Variants in GPC5 observed in about 807,000 individuals in gnomAD.
GPC5 encodes glypican-5.
Under a neutral mutation model 53.9 loss-of-function variants are expected in GPC5, and 47 were observed. The observed-to-expected ratio is 0.87, with a 90% CI of 0.69 to 1.11. GPC5 has a LOEUF of 1.11. Ranked by LOEUF, GPC5 falls within the 50% of genes most tolerant of loss-of-function variation. The pLI is 0.00. For synonymous variants in GPC5, 286 were observed against 263.3 expected, an observed-to-expected ratio of 1.09 and a Z score of -0.84; for missense variants, 748 against 713.1, an observed-to-expected ratio of 1.05 and a Z score of -0.56.
chr13:92,162,368 G>A (rs540894925), intron 7 of GPC5, among the ~76,000 whole-genome samples: 4 of 152,012 alleles, frequency 2.6e-5, no homozygotes, highest in East Asian at 3.9e-4. Flanking sequence ...TACAGATTTC[G>A]GCCTCTGGGG....
chr13:92,637,869 A>T (rs76990727), intron 7 of GPC5, among the ~76,000 whole-genome samples: 1 of 152,186 alleles, frequency 6.6e-6, no homozygotes, highest in Non-Finnish European at 1.5e-5. Flanking sequence ...TGAAAAGGTA[A>T]AGGAAAGCAT....
intron 7 of GPC5, among the ~76,000 whole-genome samples, chr13:92,350,073 T>G (rs1387381424): frequency 6.6e-6 from 1 of 152,110 alleles, no homozygotes; most frequent in Non-Finnish European, 1.5e-5. Context: ...ACAGGAAGCT[T>G]CAACATAAGT....
At chr13:92,302,557 A>C (rs184197174) in intron 7 of GPC5, among the ~76,000 whole-genome samples, 8 of 152,174 alleles carry the variant, frequency 5.3e-5, no homozygotes, top group African/African-American at 1.7e-4. Context: ...CTATTCCTTT[A>C]TTTAGAAATG....
intron 7 of GPC5, among the ~76,000 whole-genome samples, chr13:92,318,279 C>T (rs974783667): frequency 1.3e-5 from 2 of 152,136 alleles, no homozygotes; most frequent in African/African-American, 4.8e-5. Flanking sequence ...GAACACACCA[C>T]ACACCTGAAT....
chr13:91,728,812 G>T, intron 4 of GPC5, 147 bp downstream of exon 4: 3 of 853,900 alleles, frequency 3.5e-6, no homozygotes, highest in Non-Finnish European at 4.9e-6. Flanking sequence ...AAAAATCAGT[G>T]GCTGCACCTG....
intron 7 of GPC5, among the ~76,000 whole-genome samples, chr13:92,751,489 A>T (rs981542050): frequency 1.3e-5 from 2 of 151,346 alleles, no homozygotes; most frequent in Non-Finnish European, 2.9e-5. Flanking sequence ...GAGATGAATG[A>T]GTTCATTAGC....
At chr13:92,591,769 AT>A (rs1241010279) in intron 7 of GPC5, among the ~76,000 whole-genome samples, 2 of 151,732 alleles carry the variant, frequency 1.3e-5, no homozygotes, top group South Asian at 2.1e-4. Flanking sequence ...CACCCTAGCC[AT>A]TGGTAACCGC....
At chr13:92,729,719 A>G (rs1352303804) in intron 7 of GPC5, among the ~76,000 whole-genome samples, 1 of 151,414 alleles carries the variant, frequency 6.6e-6, no homozygotes, top group Non-Finnish European at 1.5e-5. Flanking sequence ...TGTTGCTTGA[A>G]TTGCTTAAGT....
At chr13:91,767,567 A>G (rs924022252) in intron 5 of GPC5, among the ~76,000 whole-genome samples, 11 of 152,162 alleles carry the variant, frequency 7.2e-5, no homozygotes, top group Admixed American at 6.5e-4. Flanking sequence ...CGCTGCTACA[A>G]TTCTAGTCAT....
At chr13:92,630,405 A>G (rs980968740) in intron 7 of GPC5, among the ~76,000 whole-genome samples, 4 of 152,164 alleles carry the variant, frequency 2.6e-5, no homozygotes, top group Admixed American at 2.0e-4. Flanking sequence ...AACTATTCTT[A>G]TTAGCACATT....
chr13:91,433,753 C>T (rs1252457978), intron 1 of GPC5, among the ~76,000 whole-genome samples: 1 of 152,094 alleles, frequency 6.6e-6, no homozygotes, highest in South Asian at 2.1e-4. Flanking sequence ...ATTTCTAGTT[C>T]TAGATCCCTG....
At chr13:92,751,302 TTAAAAAAAAAAAAAAA>T (rs889445159) in intron 7 of GPC5, among the ~76,000 whole-genome samples, 38 of 34,426 alleles carry the variant, frequency 1.1e-3, no homozygotes, top group Non-Finnish European at 1.6e-3. Context: ...CCAGAAACAT[TTAAAAAAAAAAAAAAA>T]AAAAAAAAAA....
At chr13:91,870,402 A>G (rs1193657023) in intron 5 of GPC5, among the ~76,000 whole-genome samples, 3 of 152,204 alleles carry the variant, frequency 2.0e-5, no homozygotes, top group South Asian at 2.1e-4. Flanking sequence ...AAATATTAGA[A>G]TGTAAGGAAA....
intron 7 of GPC5, among the ~76,000 whole-genome samples, chr13:92,695,042 G>T (rs1315262811): frequency 6.6e-6 from 1 of 152,142 alleles, no homozygotes. Context: ...GAAGTGCGTT[G>T]CTTCCCCTTC....
At chr13:92,350,576 TCAGA>T (rs1297931118) in intron 7 of GPC5, among the ~76,000 whole-genome samples, 1 of 152,126 alleles carries the variant, frequency 6.6e-6, no homozygotes, top group Non-Finnish European at 1.5e-5. Flanking sequence ...GCCCAAAATC[TCAGA>T]CAGAAGGAAG....
intron 7 of GPC5, among the ~76,000 whole-genome samples, chr13:92,763,239 A>G (rs1352713151): frequency 6.6e-6 from 1 of 152,040 alleles, no homozygotes; most frequent in African/African-American, 2.4e-5. Flanking sequence ...ATCTCTTCCA[A>G]ACTTTATAGA....
chr13:91,469,255 T>C (rs1340250061), intron 2 of GPC5, among the ~76,000 whole-genome samples: 2 of 151,958 alleles, frequency 1.3e-5, no homozygotes, highest in African/African-American at 4.8e-5. Context: ...ATTACAGACA[T>C]GCACCACCAT....
intron 6 of GPC5, among the ~76,000 whole-genome samples, chr13:91,941,528 G>A (rs1192024435): frequency 6.6e-6 from 1 of 151,928 alleles, no homozygotes; most frequent in Admixed American, 6.6e-5. Flanking sequence ...TCACTTTTCT[G>A]GGCAACATTC....
At chr13:92,082,040 G>A (rs1281670728) in intron 6 of GPC5, among the ~76,000 whole-genome samples, 1 of 152,176 alleles carries the variant, frequency 6.6e-6, no homozygotes, top group East Asian at 1.9e-4. Flanking sequence ...AACCTTGGTA[G>A]TAATTATAGT....
Sources: gnomAD v4.1 joint callset for allele counts (sites outside exome capture counted in the v4.1 genomes callset) on GRCh38, gnomAD v4.1.1 for gene constraint, MANE v1.5 for transcripts, NCBI Gene and HGNC (gene_info 2026-07-23, HGNC 2026-07-21) for gene names.